TRHDE: variants seen among roughly 807,000 people sequenced by gnomAD.
TRHDE encodes thyrotropin releasing hormone degrading enzyme.
Under a neutral mutation model 125.7 loss-of-function variants are expected in TRHDE, and 72 were observed. The ratio of observed to expected loss-of-function variants is 0.57; its 90% confidence interval spans 0.47 to 0.70. The LOEUF is 0.70. TRHDE is among the 30% of genes least tolerant of loss of function. The pLI, the probability that TRHDE is intolerant of heterozygous loss-of-function variation, is 0.00. For missense variants in TRHDE, 1,110 were observed against 1,327.1 expected, an observed-to-expected ratio of 0.84 and a Z score of 2.54; for synonymous variants, 509 against 509.1, an observed-to-expected ratio of 1.00 and a Z score of 0.00.
chr12:72,113,909 T>C (rs1269219426), intron 2 of TRHDE, among the ~76,000 whole-genome samples: 1 of 152,168 alleles, frequency 6.6e-6, no homozygotes, highest in Non-Finnish European at 1.5e-5. Flanking sequence ...ACTCATTATA[T>C]GGTTTACATC....
intron 17 of TRHDE, among the ~76,000 whole-genome samples, chr12:72,656,644 C>T (rs2136113256): frequency 6.6e-6 from 1 of 152,138 alleles, no homozygotes; most frequent in African/African-American, 2.4e-5. Context: ...TACTGTTAAT[C>T]CCTAAATCCA....
intron 2 of TRHDE, among the ~76,000 whole-genome samples, chr12:72,197,043 A>C (rs970915345): frequency 6.6e-6 from 1 of 152,154 alleles, no homozygotes; most frequent in African/African-American, 2.4e-5. Flanking sequence ...GCAAAATTCA[A>C]CAGTCAATAT....
chr12:72,655,487 T>C (rs2136112440), intron 17 of TRHDE, among the ~76,000 whole-genome samples: 1 of 152,276 alleles, frequency 6.6e-6, no homozygotes, highest in Middle Eastern at 3.4e-3. Flanking sequence ...TCTTTCCTGT[T>C]GCTCAGAACT....
At chr12:72,253,050 T>C (rs1878720787) in intron 2 of TRHDE, among the ~76,000 whole-genome samples, 1 of 152,144 alleles carries the variant, frequency 6.6e-6, no homozygotes, top group Non-Finnish European at 1.5e-5. Context: ...TGAAATAATG[T>C]AGTTTTGTTC....
intron 2 of TRHDE, among the ~76,000 whole-genome samples, chr12:72,225,296 T>C (rs1444157361): frequency 6.6e-6 from 1 of 152,170 alleles, no homozygotes; most frequent in Non-Finnish European, 1.5e-5. Context: ...TGTGCAACAT[T>C]AGCCTCATAA....
At chr12:72,636,159 T>A (rs1159074286) in intron 15 of TRHDE, among the ~76,000 whole-genome samples, 63 of 152,316 alleles carry the variant, frequency 4.1e-4, no homozygotes, top group African/African-American at 1.5e-3. Flanking sequence ...TCCATGTGTT[T>A]GTATCCTCTT....
intron 2 of TRHDE, among the ~76,000 whole-genome samples, chr12:72,227,513 T>A: frequency 6.6e-6 from 1 of 152,130 alleles, no homozygotes; most frequent in Non-Finnish European, 1.5e-5. Context: ...AGAGCTACAA[T>A]CCAAGATGAG....
chr12:72,226,237 G>T (rs1878125321), intron 2 of TRHDE, among the ~76,000 whole-genome samples: 1 of 152,192 alleles, frequency 6.6e-6, no homozygotes, highest in African/African-American at 2.4e-5. Context: ...CATGGCAAGT[G>T]AGGTTCCAGA....
intron 2 of TRHDE, among the ~76,000 whole-genome samples, chr12:72,168,206 C>A (rs1041025375): frequency 1.1e-4 from 17 of 152,104 alleles, no homozygotes; most frequent in African/African-American, 4.1e-4. Context: ...AAACTGAAAG[C>A]AGCTTTTTAA....
chr12:72,643,768 C>T (rs1874165043), intron 15 of TRHDE, among the ~76,000 whole-genome samples: 2 of 152,176 alleles, frequency 1.3e-5, no homozygotes, highest in South Asian at 4.1e-4. Flanking sequence ...TAACAAGTAT[C>T]ACTTCAATGC....
intron 2 of TRHDE, chr12:72,303,140 C>T (rs1868286579): frequency 6.6e-6 from 1 of 152,148 alleles, no homozygotes; most frequent in South Asian, 2.1e-4. Context: ...TCGTTTCTCT[C>T]ACTAATCTCT....
chr12:72,518,899 T>G (rs548355635), intron 6 of TRHDE, among the ~76,000 whole-genome samples: 1 of 151,826 alleles, frequency 6.6e-6, no homozygotes, highest in South Asian at 2.1e-4. Flanking sequence ...TCTCCTTCAC[T>G]TATGAAGCTT....
intron 5 of TRHDE, among the ~76,000 whole-genome samples, chr12:72,486,125 T>C (rs1877395441): frequency 6.6e-6 from 1 of 152,080 alleles, no homozygotes; most frequent in Non-Finnish European, 1.5e-5. Flanking sequence ...GACATGTCAA[T>C]ACTGTGCCTG....
chr12:72,153,428 C>T (rs1023546164), intron 2 of TRHDE, among the ~76,000 whole-genome samples: 1 of 152,004 alleles, frequency 6.6e-6, no homozygotes, highest in African/African-American at 2.4e-5. Context: ...TATTTCTTGC[C>T]TTCTGCTAGC....
chr12:72,364,302 A>G (rs913163452), intron 2 of TRHDE, among the ~76,000 whole-genome samples: 5 of 152,088 alleles, frequency 3.3e-5, no homozygotes, highest in African/African-American at 1.2e-4. Flanking sequence ...CATTCCTGTC[A>G]GAAACCTATA....
chr12:72,334,326 A>T (rs558469129), intron 2 of TRHDE, among the ~76,000 whole-genome samples: 1 of 152,356 alleles, frequency 6.6e-6, no homozygotes, highest in South Asian at 2.1e-4. Context: ...GATAGAACAG[A>T]TATAAGAACA....
At chr12:72,313,275 GT>G (rs1293596035) in intron 2 of TRHDE, among the ~76,000 whole-genome samples, 4 of 151,652 alleles carry the variant, frequency 2.6e-5, no homozygotes, top group Non-Finnish European at 5.9e-5. Context: ...ATTCATACAA[GT>G]TTTTTTATAT....
intron 3 of TRHDE, among the ~76,000 whole-genome samples, chr12:72,450,479 C>T (rs575957449): frequency 2.2e-4 from 33 of 151,998 alleles, no homozygotes; most frequent in Non-Finnish European, 3.5e-4. Context: ...ATGCATACAT[C>T]GTGGAATGGC....
chr12:72,299,987 C>A (rs1034679005), intron 2 of TRHDE, among the ~76,000 whole-genome samples: 1 of 152,058 alleles, frequency 6.6e-6, no homozygotes, highest in Non-Finnish European at 1.5e-5. Flanking sequence ...GAGTTTTCTT[C>A]GTGAGAGGAA....
Sources: gnomAD v4.1 joint callset for allele counts (sites outside exome capture counted in the v4.1 genomes callset) on GRCh38, gnomAD v4.1.1 for gene constraint, MANE v1.5 for transcripts, NCBI Gene and HGNC (gene_info 2026-07-23, HGNC 2026-07-21) for gene names.